Variants in PSMD14 observed in about 807,000 individuals in gnomAD.
PSMD14 encodes the protein proteasome 26S subunit, non-ATPase 14.
PSMD14 carries 7 observed loss-of-function variants against 41.2 expected under a neutral mutation model. The observed-to-expected ratio is 0.17, with a 90% CI of 0.10 to 0.32. The LOEUF (loss-of-function observed/expected upper bound fraction) is 0.32. Among genes scored for constraint, PSMD14 ranks in the 10% least tolerant of loss-of-function variants. PSMD14 has a pLI of 1.00. For missense variants in PSMD14, 139 were observed against 375.6 expected, an observed-to-expected ratio of 0.37 and a Z score of 5.21; for synonymous variants, 114 against 122.3, an observed-to-expected ratio of 0.93 and a Z score of 0.45.
At position 161,367,501 on chromosome 2, in the gene PSMD14, A is replaced by G; in HGVS notation, c.72A>G (p.Ala24=). 6.2e-7 allele frequency: 1 copy of G among 1,600,486 alleles called. No individual in the cohort carries two copies. Among genetic ancestry groups the G allele is most frequent in the Non-Finnish European group, 8.5e-7 (1 of 1,172,730 alleles). Residue 24 remains alanine (A), a synonymous_variant, in exon 4 of 12, where the codon GCA becomes GCG. Coordinates refer to ENST00000409682, the MANE Select transcript of PSMD14 (RefSeq NM_005805.6). The part of the protein sequence containing the change: ...LGQGPPTDAP[A]VDTAEQVYIS... ...AGGGGCCACCTACAGATGCTCCTGC[A>G]GTGGACACAGCAGAACAAGTCTATA...
intron 7 of PSMD14, chr2:161,383,752 T>C (rs1683599359): frequency 6.6e-6 from 1 of 151,662 alleles, no homozygotes; most frequent in Admixed American, 6.6e-5. Context: ...CTGTTAACAG[T>C]TAGGGTGGCA....
chr2:161,348,426 A>T (rs933964899), intron 3 of PSMD14, among the ~76,000 whole-genome samples: 5 of 152,202 alleles, frequency 3.3e-5, no homozygotes, highest in Admixed American at 2.6e-4. Context: ...TGGTTTGCCG[A>T]TAGGTTGTAG....
chr2:161,388,610 C>G (rs1683665107), intron 8 of PSMD14, among the ~76,000 whole-genome samples: 1 of 152,022 alleles, frequency 6.6e-6, no homozygotes. Context: ...TTCAGTTATT[C>G]TATTTATATT....
intron 8 of PSMD14, among the ~76,000 whole-genome samples, chr2:161,390,888 A>G (rs16845807): frequency 0.066 from 10,058 of 152,188 alleles, 448 homozygotes; most frequent in East Asian, 0.15. Context: ...GCTCCTCCAT[A>G]TCATGCTTTG....
At chr2:161,362,828 T>C (rs190545092) in intron 3 of PSMD14, among the ~76,000 whole-genome samples, 1 of 152,370 alleles carries the variant, frequency 6.6e-6, no homozygotes, top group East Asian at 1.9e-4. Context: ...AGATACAGTT[T>C]TTTATTCATT....
intron 7 of PSMD14, chr2:161,382,614 C>G (rs1305251854): frequency 6.6e-6 from 1 of 151,622 alleles, no homozygotes; most frequent in Non-Finnish European, 1.5e-5. Context: ...AATAGAGATT[C>G]AATGTATTGT....
intron 7 of PSMD14, chr2:161,381,947 A>G (rs1046243711): frequency 1.3e-5 from 2 of 151,914 alleles, no homozygotes; most frequent in Non-Finnish European, 2.9e-5. Context: ...AAATCTGCAC[A>G]TCCCACAAGC....
Position 161,370,098 on chromosome 2 carries a change from C to A in PSMD14, c.241-9C>A. Reference sequence around the variant, plus strand: ...AAAAATTAATAATTTTTCTTTCTTTCTAAATCAGGGTGTCAGTGTGGAGGC... The same window carrying A: ...AAAAATTAATAATTTTTCTTTCTTTATAAATCAGGGTGTCAGTGTGGAGGC... On this transcript the variant is annotated splice_polypyrimidine_tract_variant and intron_variant, in intron 5 of 11. Transcript: ENST00000409682. 6.5e-7 allele frequency: 1 copy of A among 1,547,658 alleles called. No homozygotes were observed. The highest frequency in any genetic ancestry group is 8.7e-7 in the Non-Finnish European group (1 of 1,147,190).
intron 7 of PSMD14, chr2:161,382,686 T>C (rs1683584110): frequency 6.6e-6 from 1 of 151,864 alleles, no homozygotes; most frequent in Non-Finnish European, 1.5e-5. Context: ...GAAAATATTC[T>C]TCATACTTTA....
rs535172553 is a variant in PSMD14, at chr2:161,396,227, G to A, written c.771+1024G>A. On this transcript the variant is annotated intron_variant, in intron 10 of 11. Coordinates refer to ENST00000409682, the MANE Select transcript of PSMD14 (RefSeq NM_005805.6). ...AGGCAAAATAAACATCACAGGCAAG[G>A]GCTAGGAGATAGAAAAGGCATAGAA... Among the ~76,000 whole-genome samples, 180 of 152,244 alleles carry A rather than the reference G, an allele frequency of 1.2e-3. 1 individual carries two copies. Among genetic ancestry groups the A allele is most frequent in the South Asian group, 0.012 (56 of 4,826 alleles).
At chr2:161,406,546 G>A (rs1017154932) in intron 10 of PSMD14, among the ~76,000 whole-genome samples, 1 of 152,146 alleles carries the variant, frequency 6.6e-6, no homozygotes, top group Non-Finnish European at 1.5e-5. Flanking sequence ...GATTAGAACT[G>A]TGAATGAAGA....
chr2:161,375,331 TGTAA>T (rs1348880568), intron 7 of PSMD14, among the ~76,000 whole-genome samples: 1 of 152,084 alleles, frequency 6.6e-6, no homozygotes, highest in Non-Finnish European at 1.5e-5. Flanking sequence ...TGCTTGTTTC[TGTAA>T]GTATTAAGTT....
intron 3 of PSMD14, among the ~76,000 whole-genome samples, chr2:161,338,262 G>A (rs1682896575): frequency 6.6e-6 from 1 of 151,800 alleles, no homozygotes; most frequent in African/African-American, 2.4e-5. Context: ...TTCTGAAACT[G>A]CGTTTGTGTG....
At chr2:161,372,443 T>C (rs770573437) in intron 7 of PSMD14, among the ~76,000 whole-genome samples, 1 of 152,022 alleles carries the variant, frequency 6.6e-6, no homozygotes, top group Non-Finnish European at 1.5e-5. Flanking sequence ...GTTGAATGTT[T>C]TCTGACATCA....
chr2:161,371,105 T>C (rs1242880048), intron 6 of PSMD14, 67 bp from the exon 7 acceptor site: 18 of 1,516,764 alleles, frequency 1.2e-5, no homozygotes, highest in Non-Finnish European at 1.6e-5. Context: ...TAGTGTGTTG[T>C]TTCTTTTCAT....
chr2:161,315,388 T>C (rs974844615), intron 1 of PSMD14, among the ~76,000 whole-genome samples: 4 of 152,238 alleles, frequency 2.6e-5, no homozygotes, highest in Admixed American at 6.5e-5. Context: ...TTTGATTTTG[T>C]AGTAATGTGA....
chr2:161,313,643 C>T (rs1689117269), intron 1 of PSMD14, among the ~76,000 whole-genome samples: 1 of 152,238 alleles, frequency 6.6e-6, no homozygotes, highest in South Asian at 2.1e-4. Flanking sequence ...AGCCACCACG[C>T]CCAGCCTAAA....
intron 3 of PSMD14, chr2:161,341,424 T>G (rs1335959746): frequency 2.2e-6 from 1 of 447,468 alleles, no homozygotes; most frequent in Non-Finnish European, 3.0e-6. Context: ...TTATATGTTC[T>G]GAATAGAAGT....
intron 3 of PSMD14, among the ~76,000 whole-genome samples, chr2:161,358,652 T>TTAAAGAGCCTGGCCGGGCACGGTGGC (rs1559046454): frequency 6.6e-6 from 1 of 152,168 alleles, no homozygotes; most frequent in Non-Finnish European, 1.5e-5. Flanking sequence ...TTTTTCATGT[T>TTAAAGAGCCTGGCCGGGCACGGTGGC]TAAAGAGCCT....
Sources: gnomAD v4.1 joint callset for allele counts (sites outside exome capture counted in the v4.1 genomes callset) on GRCh38, gnomAD v4.1.1 for gene constraint, MANE v1.5 for transcripts, NCBI Gene and HGNC (gene_info 2026-07-23, HGNC 2026-07-21) for gene names.